FAM117A: variants seen among roughly 807,000 people sequenced by gnomAD.
FAM117A encodes family with sequence similarity 117 member A, also known as protein FAM117A.
FAM117A carries 21 observed loss-of-function variants against 44.1 expected under a neutral mutation model. The ratio of observed to expected loss-of-function variants is 0.48; its 90% confidence interval spans 0.34 to 0.69. The LOEUF (loss-of-function observed/expected upper bound fraction) is 0.69. FAM117A is among the 30% of genes least tolerant of loss of function. The pLI, the probability that FAM117A is intolerant of heterozygous loss-of-function variation, is 0.01. For synonymous variants in FAM117A, 220 were observed against 238.3 expected (o/e 0.92, Z 0.71); for missense variants, 498 against 589.9 (o/e 0.84, Z 1.61).
intron 1 of FAM117A, among the ~76,000 whole-genome samples, chr17:49,742,875 A>G (rs1407371940): frequency 1.3e-5 from 2 of 152,198 alleles, no homozygotes; most frequent in African/African-American, 4.8e-5. Context: ...TTCAAAGACA[A>G]AAAATCCTAC....
At chr17:49,753,273 C>A (rs1269186978) in intron 1 of FAM117A, among the ~76,000 whole-genome samples, 1 of 152,170 alleles carries the variant, frequency 6.6e-6, no homozygotes. Flanking sequence ...GCAGTGGATG[C>A]CAGCCTGAGA....
chr17:49,776,118 C>T (rs1178477474), intron 1 of FAM117A, among the ~76,000 whole-genome samples: 2 of 152,148 alleles, frequency 1.3e-5, no homozygotes, highest in Non-Finnish European at 2.9e-5. Context: ...CGGCCATGTG[C>T]CCCTGCTTCA....
chr17:49,774,518 C>T (rs1328799395), intron 1 of FAM117A, among the ~76,000 whole-genome samples: 1 of 152,156 alleles, frequency 6.6e-6, no homozygotes, highest in East Asian at 1.9e-4. Context: ...CACCATCATG[C>T]CCAGCTAATT....
chr17:49,752,838 G>A (rs1205171123), intron 1 of FAM117A, among the ~76,000 whole-genome samples: 3 of 151,926 alleles, frequency 2.0e-5, no homozygotes, highest in African/African-American at 4.8e-5. Flanking sequence ...AGGAAGAAAC[G>A]GACTTCTTTG....
intron 7 of FAM117A, 27 bp downstream of exon 7, chr17:49,716,138 C>A: frequency 6.3e-7 from 1 of 1,592,558 alleles, no homozygotes; most frequent in Non-Finnish European, 8.6e-7. Context: ...CCTCCCCTCC[C>A]ACACCCTGTC....
chr17:49,736,225 C>G (rs2073610018), intron 1 of FAM117A, among the ~76,000 whole-genome samples: 1 of 151,542 alleles, frequency 6.6e-6, no homozygotes, highest in African/African-American at 2.4e-5. Flanking sequence ...ATGATATTAA[C>G]ATTCCTAGGT....
intron 1 of FAM117A, among the ~76,000 whole-genome samples, chr17:49,756,810 C>G (rs957906100): frequency 6.6e-6 from 1 of 150,734 alleles, no homozygotes; most frequent in African/African-American, 2.4e-5. Flanking sequence ...CAGCTATTTG[C>G]GAGGCTGAGG....
intron 1 of FAM117A, among the ~76,000 whole-genome samples, chr17:49,742,698 T>C (rs2073639546): frequency 6.6e-6 from 1 of 152,176 alleles, no homozygotes; most frequent in Admixed American, 6.5e-5. Flanking sequence ...TTGGGAGTGA[T>C]GGGTTTCTGG....
At position 49,722,730 on chromosome 17, in the gene FAM117A, C is replaced by T. The variant is rs2073541042; in HGVS notation, c.367-136G>A. The T allele has an allele frequency of 7.6e-6, 5 of 657,720 alleles. No individual in the cohort carries two copies. In the East Asian group the frequency reaches 1.1e-4, roughly 15 times the overall value. The allele number at this position is 657,720 out of a possible 1,614,324, so 40.7% of individuals were successfully genotyped here. On this transcript the variant is annotated intron_variant, in intron 2 of 7. Coordinates refer to ENST00000240364, the MANE Select transcript of FAM117A (RefSeq NM_030802.4). Reference sequence around the variant, plus strand: ...TCATCAACCTCTGAACACTCCCAGTCGGTGTTCTTCTTCAGGCTTCTCCAC... The same window carrying T: ...TCATCAACCTCTGAACACTCCCAGTTGGTGTTCTTCTTCAGGCTTCTCCAC...
At chr17:49,783,253 T>C (rs764915418) in intron 1 of FAM117A, among the ~76,000 whole-genome samples, 1 of 152,022 alleles carries the variant, frequency 6.6e-6, no homozygotes, top group Non-Finnish European at 1.5e-5. Context: ...CCATAGAATA[T>C]GGAAAAGGAT....
At chr17:49,788,904 C>T (rs1381191587), upstream of FAM117A, 6 of 1,493,982 alleles carry the variant, frequency 4.0e-6, no homozygotes, top group Non-Finnish European at 4.5e-6. Flanking sequence ...GATTGAGCAC[C>T]GTGACGCAGT....
intron 2 of FAM117A, among the ~76,000 whole-genome samples, chr17:49,729,425 A>C (rs2143726572): frequency 6.6e-6 from 1 of 152,122 alleles, no homozygotes; most frequent in Non-Finnish European, 1.5e-5. Flanking sequence ...TAGAAGAGAA[A>C]GGGCAAAAGG....
At position 49,717,568 on chromosome 17, in the gene FAM117A, A is replaced by G. The variant is rs1270981324; in HGVS notation, c.855T>C (p.Ser285=). 1 of 1,613,990 alleles carries G rather than the reference A, an allele frequency of 6.2e-7. No homozygotes were observed. Among genetic ancestry groups the G allele is most frequent in the Non-Finnish European group, 8.5e-7 (1 of 1,180,010 alleles). Residue 285 remains serine (S), a synonymous_variant, in exon 6 of 8, where the codon AGT becomes AGC. Coordinates refer to ENST00000240364, the MANE Select transcript of FAM117A (RefSeq NM_030802.4). The stretch of plus-strand genomic sequence containing the variant: ...CGGCGGCACCCCGATGTTCCTCATG[A>G]CTGGCCAGGCCACAAGGCTGGGGAG... ...LASPQPCGLA[S]HEEHRGAAEE... is the part of the protein sequence containing the mutation.
At chr17:49,763,867 G>C (rs1481593454) in intron 1 of FAM117A, 25 bp downstream of exon 1, 3 of 824,838 alleles carry the variant, frequency 3.6e-6, no homozygotes, top group African/African-American at 5.3e-5. Flanking sequence ...CTCCTTCCAC[G>C]GCACCCGCTC....
chr17:49,740,359 C>T (rs2073628577), intron 1 of FAM117A, among the ~76,000 whole-genome samples: 1 of 152,056 alleles, frequency 6.6e-6, no homozygotes, highest in African/African-American at 2.4e-5. Flanking sequence ...ACGCCATTCT[C>T]CTGCCTCAGC....
At chr17:49,734,126 G>C (rs1214126683) in intron 1 of FAM117A, among the ~76,000 whole-genome samples, 3 of 145,830 alleles carry the variant, frequency 2.1e-5, no homozygotes, top group African/African-American at 7.7e-5. Context: ...CTGGACAACA[G>C]AGCGAGACTC....
intron 5 of FAM117A, among the ~76,000 whole-genome samples, chr17:49,718,742 G>T (rs538194034): frequency 6.6e-6 from 1 of 152,184 alleles, no homozygotes; most frequent in African/African-American, 2.4e-5. Flanking sequence ...CAGCACTTTG[G>T]GAGGCCAAGG....
chr17:49,772,136 T>G (rs866545205), intron 1 of FAM117A, among the ~76,000 whole-genome samples: 2 of 151,760 alleles, frequency 1.3e-5, no homozygotes, highest in Non-Finnish European at 2.9e-5. Context: ...TAGTAAAAAT[T>G]TAAAAAATTA....
chr17:49,760,040 A>AG lies in FAM117A; in HGVS notation c.196+3851dup, dbSNP rs1236120303. 2.0e-5 allele frequency among the ~76,000 whole-genome samples: 3 copies of AG among 152,142 alleles called. No individual in the cohort carries two copies. The East Asian group carries it at 5.8e-4, about 29-fold the overall frequency. On this transcript the variant is annotated intron_variant, in intron 1 of 7. Coordinates refer to ENST00000240364, the MANE Select transcript of FAM117A (RefSeq NM_030802.4). The stretch of plus-strand genomic sequence containing the variant: ...TGGGGGAAATGGGTTAAGAGAGGAG[A>AG]GGGGGCAAATTTGCCTAACAGTTAA...
Sources: allele counts gnomAD v4.1 joint callset (sites outside exome capture counted in the v4.1 genomes callset), GRCh38; gene constraint gnomAD v4.1.1; transcripts MANE v1.5; gene names NCBI Gene and HGNC (gene_info 2026-07-23, HGNC 2026-07-21).